The following NCR2 variants were observed in gnomAD, a reference collection of about 807,000 sequenced individuals.
NCR2 encodes natural cytotoxicity triggering receptor 2.
NCR2 carries 35 observed loss-of-function variants against 30.7 expected under a neutral mutation model. The observed-to-expected ratio is 1.14, with a 90% confidence interval of 0.87 to 1.51. The LOEUF (loss-of-function observed/expected upper bound fraction) is 1.51, where lower values mean the gene tolerates loss of function less well. Ranked by LOEUF, NCR2 falls within the 40% of genes most tolerant of loss-of-function variation. The pLI is 0.00. For synonymous variants in NCR2, 146 were observed against 134.8 expected, an observed-to-expected ratio of 1.08 and a Z score of -0.58; for missense variants, 316 against 328.9, an observed-to-expected ratio of 0.96 and a Z score of 0.30.
Position 41,336,077 on chromosome 6 carries a change from C to T in NCR2, c.53-10C>T. The T allele has an allele frequency of 1.9e-6, 3 of 1,610,192 alleles. No homozygotes were observed. Among genetic ancestry groups the T allele is most frequent in the Non-Finnish European group, 2.5e-6 (3 of 1,177,686 alleles). ...GGCCTTGACCTATGCGTTACTTCATCATTCTCCAGGCTCTCAGGCACAATC... is the reference window on the plus strand; with the variant it reads ...GGCCTTGACCTATGCGTTACTTCATTATTCTCCAGGCTCTCAGGCACAATC... On this transcript the variant is annotated splice_polypyrimidine_tract_variant and intron_variant, in intron 1 of 4. Coordinates refer to ENST00000373089, the MANE Select transcript of NCR2 (RefSeq NM_004828.4).
intron 2 of NCR2, among the ~76,000 whole-genome samples, chr6:41,339,303 C>A (rs1769112764): frequency 6.6e-6 from 1 of 152,050 alleles, no homozygotes; most frequent in South Asian, 2.1e-4. Context: ...CTCAGGTGAT[C>A]CGCCTGACTC....
In NCR2 at chr6:41,343,599, T is replaced by C. The variant is rs77894917; in HGVS notation, c.644+1450T>C. ...GAACCAGAAGAGGTTTAGAGAACTC[T>C]GCTCTGCAACCTGGGCAGTTGTAGA... On this transcript the variant is annotated intron_variant, in intron 4 of 4. Coordinates refer to ENST00000373089, the MANE Select transcript of NCR2 (RefSeq NM_004828.4). 1.4e-3 allele frequency among the ~76,000 whole-genome samples: 220 copies of C among 152,362 alleles called. 5 individuals are homozygous for C. In the East Asian group the frequency reaches 0.04, roughly 28 times the overall value.
At chr6:41,340,223 G>A (rs982546264) in intron 2 of NCR2, among the ~76,000 whole-genome samples, 12 of 150,834 alleles carry the variant, frequency 8.0e-5, no homozygotes, top group East Asian at 1.9e-4. Context: ...GTGCGGTGGC[G>A]CGATCTCGGC....
chr6:41,344,222 TCAGCCACCCCTGTAGCA>T lies in NCR2; in HGVS notation c.644+2078_644+2094del, dbSNP rs1769246378. ...GGGTCCCAATAATGCTTTGCCTAGA[TCAGCCACCCCTGTAGCA>T]CAGCACCCCACTGTGCTGTCCTTAC... On this transcript the variant is annotated intron_variant, in intron 4 of 4. Transcript: ENST00000373089. 6.6e-5 allele frequency among the ~76,000 whole-genome samples: 10 copies of T among 152,190 alleles called. No individual in the cohort carries two copies. The South Asian group carries it at 2.1e-3, about 32-fold the overall frequency.
At chr6:41,340,666 C>A (rs1769147536) in intron 2 of NCR2, among the ~76,000 whole-genome samples, 1 of 152,132 alleles carries the variant, frequency 6.6e-6, no homozygotes, top group Admixed American at 6.6e-5. Flanking sequence ...CGTTTTGAAA[C>A]CCCTACTCCC....
intron 2 of NCR2, 65 bp from the exon 3 acceptor site, chr6:41,341,729 C>G: frequency 6.5e-7 from 1 of 1,540,896 alleles, no homozygotes; most frequent in Non-Finnish European, 8.7e-7. Context: ...CCATCCAGCT[C>G]TCCTGCCGGC....
At chr6:41,337,716 G>T (rs3804278) in intron 2 of NCR2, among the ~76,000 whole-genome samples, 72,183 of 152,016 alleles carry the variant, frequency 0.47, 20,353 homozygotes, top group Admixed American at 0.61. Context: ...AAGCAATTCC[G>T]ACAAGCTCAA....
At chr6:41,343,946 G>T (rs1769241006) in intron 4 of NCR2, among the ~76,000 whole-genome samples, 1 of 151,896 alleles carries the variant, frequency 6.6e-6, no homozygotes, top group Admixed American at 6.6e-5. Context: ...CAGACGCCTG[G>T]GTCACCCCAA....
intron 4 of NCR2, among the ~76,000 whole-genome samples, chr6:41,345,336 C>G (rs1040480081): frequency 6.6e-6 from 1 of 152,148 alleles, no homozygotes; most frequent in Non-Finnish European, 1.5e-5. Flanking sequence ...CTTATTCCCC[C>G]ACTCCCACCA....
chr6:41,344,955 C>T (rs2114062043), intron 4 of NCR2, among the ~76,000 whole-genome samples: 1 of 152,226 alleles, frequency 6.6e-6, no homozygotes, highest in Middle Eastern at 3.4e-3. Flanking sequence ...TAAGTCTAGA[C>T]CCAGGGTTCT....
chr6:41,336,234 T>C lies in NCR2; in HGVS notation c.200T>C (p.Val67Ala). ...EASALVCIRL[V>A]TSSKPRTMAW... ...TCAGCACTTGTGTGCATCAGGTTAGTCACCAGCTCCAAGCCCAGGACGATG... is the reference window on the plus strand; with the variant it reads ...TCAGCACTTGTGTGCATCAGGTTAGCCACCAGCTCCAAGCCCAGGACGATG... Residue 67 changes from valine (V) to alanine (A), a missense_variant, in exon 2 of 5, where the codon GTC becomes GCC. Val to Ala is a moderately conservative substitution (Grantham distance 64, BLOSUM62 0). Transcript: ENST00000373089. 5 of 1,614,166 alleles carry C rather than the reference T, an allele frequency of 3.1e-6. No homozygotes were observed. The South Asian group carries it at 4.4e-5, about 14-fold the overall frequency.
chr6:41,338,896 G>A (rs1192267471), intron 2 of NCR2, among the ~76,000 whole-genome samples: 1 of 152,194 alleles, frequency 6.6e-6, no homozygotes, highest in African/African-American at 2.4e-5. Context: ...TGGATTGTTG[G>A]TCTTTGCAGT....
rs576708468 is a variant in NCR2 at position 41,342,073 on chromosome 6, C to G, written c.568C>G (p.Pro190Ala). ...CACGCTCCGCCCTGGCCCTGCAGCC[C>G]CCATTGCCCTGGTGCCTGTGTTCTG... ...NSTLRPGPAA[P>A]IALVPVFCGL... The change falls in exon 4 of 5, where the codon CCC becomes GCC. Residue 190 changes from proline to alanine, a missense_variant. Coordinates refer to ENST00000373089, the MANE Select transcript of NCR2 (RefSeq NM_004828.4). 1.9e-6 allele frequency: 3 copies of G among 1,613,966 alleles called. No homozygotes were observed. In the African/African-American group the frequency reaches 4.0e-5, roughly 22 times the overall value.
intron 4 of NCR2, chr6:41,342,970 G>A: frequency 1.3e-6 from 2 of 1,550,592 alleles, no homozygotes; most frequent in Non-Finnish European, 1.7e-6. Context: ...GCTGCACCCA[G>A]CTCAGCCCAG....
chr6:41,349,696 T>C (rs1257317144), intron 4 of NCR2, among the ~76,000 whole-genome samples: 1 of 152,142 alleles, frequency 6.6e-6, no homozygotes, highest in Non-Finnish European at 1.5e-5. Flanking sequence ...GCTCCTGCCC[T>C]CCAGCCCTTC....
chr6:41,341,748 G>A lies in NCR2; in HGVS notation c.395-46G>A, dbSNP rs746138724. On this transcript the variant is annotated intron_variant, in intron 2 of 4. Transcript: ENST00000373089. Reference sequence around the variant, plus strand: ...CCAGCTCTCCTGCCGGCAGGCACAAGTGAGGTCTCCCACTCACTAACCACG... The same window carrying A: ...CCAGCTCTCCTGCCGGCAGGCACAAATGAGGTCTCCCACTCACTAACCACG... 6.4e-6 allele frequency: 10 copies of A among 1,568,646 alleles called. No homozygotes were observed. In the East Asian group the frequency reaches 1.8e-4, roughly 28 times the overall value.
At position 41,349,819 on chromosome 6, in the gene NCR2, G is replaced by A. The variant is rs763715362; in HGVS notation, c.645-859G>A. Among the ~76,000 whole-genome samples, 10 of 152,248 alleles carry A rather than the reference G, an allele frequency of 6.6e-5. No individual in the cohort carries two copies. The South Asian group carries it at 8.3e-4, about 13-fold the overall frequency. On this transcript the variant is annotated intron_variant, in intron 4 of 4. Transcript: ENST00000373089. ...ATCTTTAGACCACATATTCCTGAAC[G>A]TGCCCTGGATTTGATTTTAGCATCA... is the stretch of plus-strand genomic sequence containing the variant.
chr6:41,342,223 G>C, intron 4 of NCR2, 74 bp downstream of exon 4: 3 of 1,576,536 alleles, frequency 1.9e-6, no homozygotes, highest in Non-Finnish European at 2.6e-6. Context: ...AGGGTCAGAG[G>C]GGAATCGGCC....
chr6:41,341,323 G>A (rs746226410), intron 2 of NCR2, among the ~76,000 whole-genome samples: 21 of 152,096 alleles, frequency 1.4e-4, no homozygotes, highest in Non-Finnish European at 5.9e-5. Flanking sequence ...CATTCCCTAG[G>A]CTGCTGAGAC....
Sources: allele counts gnomAD v4.1 joint callset (sites outside exome capture counted in the v4.1 genomes callset), GRCh38; gene constraint gnomAD v4.1.1; transcripts MANE v1.5; gene names NCBI Gene and HGNC (gene_info 2026-07-23, HGNC 2026-07-21).